The following ABTB3 variants were observed in gnomAD, a reference collection of about 807,000 sequenced individuals.
The protein encoded by ABTB3 is ankyrin repeat- and BTB/POZ domain-containing protein 3.
the ABTB3 span, among the ~76,000 whole-genome samples, chr12:107,382,427 A>T: frequency 6.6e-6 from 1 of 152,092 alleles, no homozygotes; most frequent in East Asian, 1.9e-4. Context: ...GCAATTGTGA[A>T]TGGGAGTTTA....
chr12:107,385,739 C>T, the ABTB3 span, among the ~76,000 whole-genome samples: 10 of 152,288 alleles, frequency 6.6e-5, no homozygotes, highest in African/African-American at 1.2e-4. Flanking sequence ...CCAACAGCTA[C>T]GTGCACCCCC....
At chr12:107,318,562 C>T in the ABTB3 span, 1 of 170,698 alleles carries the variant, frequency 5.9e-6, no homozygotes, top group African/African-American at 2.4e-5. Flanking sequence ...CTGGGGTGGT[C>T]TCAGTCCCAC....
At chr12:107,648,216 A>G in the ABTB3 span, among the ~76,000 whole-genome samples, 1 of 152,106 alleles carries the variant, frequency 6.6e-6, no homozygotes. Flanking sequence ...CCCCGTCTCT[A>G]CTAAAATACA....
At chr12:107,635,458 C>CCATAAGGA in the ABTB3 span, 1 of 1,464,082 alleles carries the variant, frequency 6.8e-7, no homozygotes, top group Non-Finnish European at 9.5e-7. Flanking sequence ...CCAAAGAATG[C>CCATAAGGA]CATAAGGAAT....
At chr12:107,323,036 G>C in the ABTB3 span, among the ~76,000 whole-genome samples, 1 of 152,170 alleles carries the variant, frequency 6.6e-6, no homozygotes, top group Non-Finnish European at 1.5e-5. Flanking sequence ...GAGCTTATTA[G>C]ATACCTTTTT....
the ABTB3 span, among the ~76,000 whole-genome samples, chr12:107,639,325 T>C: frequency 5.5e-3 from 831 of 152,204 alleles, 5 homozygotes; most frequent in African/African-American, 0.019. Flanking sequence ...TGGGGAGCTA[T>C]TGAATGATTT....
chr12:107,599,511 T>C, the ABTB3 span, among the ~76,000 whole-genome samples: 1 of 152,224 alleles, frequency 6.6e-6, no homozygotes, highest in Admixed American at 6.5e-5. Flanking sequence ...ATACCATCCA[T>C]CTCTGTTATG....
chr12:107,538,741 A>G, the ABTB3 span, among the ~76,000 whole-genome samples: 4 of 152,258 alleles, frequency 2.6e-5, no homozygotes, highest in African/African-American at 9.6e-5. Context: ...CCAGACAGAC[A>G]CCAATGGGGT....
At chr12:107,654,815 TACAC>T in the ABTB3 span, among the ~76,000 whole-genome samples, 5,499 of 141,170 alleles carry the variant, frequency 0.039, 117 homozygotes, top group Middle Eastern at 0.08. Flanking sequence ...CTACATTGTA[TACAC>T]ACACACACAC....
the ABTB3 span, among the ~76,000 whole-genome samples, chr12:107,407,692 A>G: frequency 2.2e-3 from 330 of 152,342 alleles, 1 homozygote; most frequent in African/African-American, 7.6e-3. Context: ...GCAAAGTCAT[A>G]TGGCAAGAGG....
At chr12:107,447,706 AC>A in the ABTB3 span, among the ~76,000 whole-genome samples, 12 of 152,350 alleles carry the variant, frequency 7.9e-5, no homozygotes. Context: ...GACAGAGCTC[AC>A]AGGTCAACCC....
chr12:107,525,526 C>A, the ABTB3 span, among the ~76,000 whole-genome samples: 1 of 152,110 alleles, frequency 6.6e-6, no homozygotes, highest in African/African-American at 2.4e-5. Flanking sequence ...ATAGGCTACA[C>A]CCTACAGCCT....
chr12:107,445,092 G>A, the ABTB3 span, among the ~76,000 whole-genome samples: 2 of 152,158 alleles, frequency 1.3e-5, no homozygotes, highest in Non-Finnish European at 2.9e-5. Flanking sequence ...AATTAGCTCC[G>A]CTGCTGCTGA....
At chr12:107,329,985 G>C in the ABTB3 span, among the ~76,000 whole-genome samples, 57,619 of 152,044 alleles carry the variant, frequency 0.38, 11,670 homozygotes, top group East Asian at 0.53. Context: ...TGATGTGGTT[G>C]GGAGTAAGGC....
At chr12:107,482,582 C>A in the ABTB3 span, among the ~76,000 whole-genome samples, 2 of 152,238 alleles carry the variant, frequency 1.3e-5, no homozygotes, top group African/African-American at 4.8e-5. Flanking sequence ...ACCCTTCCTG[C>A]CTTTTTGCCT....
At chr12:107,319,690 G>C in the ABTB3 span, 14 of 1,534,776 alleles carry the variant, frequency 9.1e-6, no homozygotes, top group African/African-American at 1.4e-5. Flanking sequence ...ACATCTACTC[G>C]CGGGTCGTGG....
chr12:107,483,835 T>C, the ABTB3 span, among the ~76,000 whole-genome samples: 1 of 152,132 alleles, frequency 6.6e-6, no homozygotes, highest in Non-Finnish European at 1.5e-5. Flanking sequence ...TACAAGCACA[T>C]GCCAGTATGC....
chr12:107,643,402 CA>C, the ABTB3 span, among the ~76,000 whole-genome samples: 1,630 of 79,428 alleles, frequency 0.021, 22 homozygotes, highest in East Asian at 0.072. Flanking sequence ...GACCCTATCT[CA>C]AAAAAAAAAA....
At chr12:107,469,940 TTC>T in the ABTB3 span, among the ~76,000 whole-genome samples, 22 of 59,544 alleles carry the variant, frequency 3.7e-4, no homozygotes, top group Admixed American at 5.2e-4. Flanking sequence ...CTCTCTTTCT[TTC>T]TCTTTCTTTC....
Sources: allele counts gnomAD v4.1 joint callset (sites outside exome capture counted in the v4.1 genomes callset), GRCh38; gene constraint gnomAD v4.1.1; transcripts MANE v1.5; gene names NCBI Gene and HGNC (gene_info 2026-07-23, HGNC 2026-07-21).